Variants in ZNF385D observed in about 807,000 individuals in gnomAD.
ZNF385D encodes zinc finger protein 385D.
Under a neutral mutation model 35.8 loss-of-function variants are expected in ZNF385D, and 15 were observed. The ratio of observed to expected loss-of-function variants is 0.42; its 90% CI spans 0.28 to 0.64. The LOEUF (loss-of-function observed/expected upper bound fraction) is 0.64. Ranked by LOEUF, ZNF385D falls within the 30% of genes least tolerant of loss-of-function variation. The pLI, the probability that ZNF385D is intolerant of heterozygous loss-of-function variation, is 0.23. For missense variants in ZNF385D, 474 were observed against 494.6 expected (o/e 0.96, Z 0.39); for synonymous variants, 212 against 186.8 (o/e 1.13, Z -1.10).
intron 1 of ZNF385D, among the ~76,000 whole-genome samples, chr3:21,745,476 G>A (rs781714633): frequency 1.1e-4 from 16 of 152,218 alleles, no homozygotes; most frequent in African/African-American, 3.9e-4. Context: ...CGATTTTAAC[G>A]CTGCGACAGA....
At chr3:21,803,192 G>T (rs1386801849) in intron 3 of ZNF385D, among the ~76,000 whole-genome samples, 1 of 152,080 alleles carries the variant, frequency 6.6e-6, no homozygotes, top group East Asian at 1.9e-4. Flanking sequence ...GGAACCTAAG[G>T]GTAGTCATCA....
intron 3 of ZNF385D, among the ~76,000 whole-genome samples, chr3:21,803,604 C>T (rs2072505950): frequency 6.6e-6 from 1 of 152,036 alleles, no homozygotes; most frequent in South Asian, 2.1e-4. Context: ...GATGAAATAT[C>T]CATATTTGTA....
At chr3:22,343,751 AAAT>A (rs1360585573) in intron 2 of ZNF385D, among the ~76,000 whole-genome samples, 1 of 152,244 alleles carries the variant, frequency 6.6e-6, no homozygotes, top group Admixed American at 6.5e-5. Flanking sequence ...TGAGAACATT[AAAT>A]AATAGACCTA....
chr3:22,019,024 A>C (rs1445981836), intron 3 of ZNF385D, among the ~76,000 whole-genome samples: 2 of 94,720 alleles, frequency 2.1e-5, no homozygotes, highest in African/African-American at 4.0e-5. Flanking sequence ...TCATGGATAG[A>C]GTTATTTACC....
intron 4 of ZNF385D, among the ~76,000 whole-genome samples, chr3:21,454,695 C>T (rs534492373): frequency 6.6e-6 from 1 of 152,276 alleles, no homozygotes; most frequent in Non-Finnish European, 1.5e-5. Flanking sequence ...GGGATGCCCT[C>T]TCTCACCACT....
At chr3:21,752,986 G>T (rs1045417482), upstream of ZNF385D, among the ~76,000 whole-genome samples, 1 of 151,982 alleles carries the variant, frequency 6.6e-6, no homozygotes, top group African/African-American at 2.4e-5. Context: ...TAGTGCTTTG[G>T]GTCCATTTGA....
intron 2 of ZNF385D, among the ~76,000 whole-genome samples, chr3:21,597,767 G>A (rs752576137): frequency 2.0e-5 from 3 of 152,136 alleles, no homozygotes; most frequent in Non-Finnish European, 4.4e-5. Flanking sequence ...GTAGTTTTAA[G>A]ATAAGCTCAC....
chr3:21,817,559 C>A (rs534826828), intron 3 of ZNF385D, among the ~76,000 whole-genome samples: 10 of 152,126 alleles, frequency 6.6e-5, no homozygotes, highest in South Asian at 2.1e-4. Flanking sequence ...ATGCAGCCAA[C>A]AGACACATGA....
At position 21,811,000 on chromosome 3, in the gene ZNF385D, A is replaced by G. The variant is rs13076370; in HGVS notation, c.326-145972T>C. 3.7e-3 allele frequency among the ~76,000 whole-genome samples: 468 copies of G among 125,712 alleles called. 3 individuals carry two copies. The highest frequency in any genetic ancestry group is 0.012 in the African/African-American group (430 of 35,130). 82.5% of individuals were successfully genotyped at this position (125,712 alleles called of 152,430 possible). A position where few individuals can be genotyped will look rare whatever the true frequency, so the allele number is the denominator to read the frequency against. On this transcript the variant is annotated intron_variant, in intron 3 of 5. Transcript: ENST00000494108. ...TGTGTGTGTGTGTGTGTGTGTGTGT[A>G]TATATATATACATTTTAAGTAAGTA...
chr3:22,292,915 T>C (rs187009379), intron 2 of ZNF385D, among the ~76,000 whole-genome samples: 31 of 152,118 alleles, frequency 2.0e-4, no homozygotes, highest in Non-Finnish European at 2.9e-4. Flanking sequence ...CATATTTCTA[T>C]TGTCCCATCC....
Position 21,564,902 on chromosome 3 carries a change from C to A in ZNF385D, c.166-218G>T, listed in dbSNP as rs2303372. ...ATGATAAGGAAATGATAAATTTACCCATTAGAGTCTGCATACTAACTGTTT... is the reference window on the plus strand; with the variant it reads ...ATGATAAGGAAATGATAAATTTACCAATTAGAGTCTGCATACTAACTGTTT... On this transcript the variant is annotated intron_variant, in intron 2 of 7. Coordinates refer to ENST00000281523, the MANE Select transcript of ZNF385D (RefSeq NM_024697.3). Among the ~76,000 whole-genome samples, 392 of 152,184 alleles carry A rather than the reference C, an allele frequency of 2.6e-3. 8 individuals are homozygous for A. The East Asian group carries it at 0.068, about 27-fold the overall frequency.
chr3:21,901,632 T>C (rs1370799199), intron 3 of ZNF385D, among the ~76,000 whole-genome samples: 2 of 152,148 alleles, frequency 1.3e-5, no homozygotes, highest in Admixed American at 1.3e-4. Context: ...CAGATGAGAT[T>C]AAAGTTTAGG....
chr3:21,733,653 A>G (rs2069116112), intron 1 of ZNF385D, among the ~76,000 whole-genome samples: 1 of 152,200 alleles, frequency 6.6e-6, no homozygotes, highest in Non-Finnish European at 1.5e-5. Flanking sequence ...TCCTGATTAC[A>G]AAGACTTTCC....
At chr3:22,192,003 A>G (rs1471936897) in intron 2 of ZNF385D, among the ~76,000 whole-genome samples, 1 of 152,118 alleles carries the variant, frequency 6.6e-6, no homozygotes, top group African/African-American at 2.4e-5. Flanking sequence ...GATGAAGAGG[A>G]TATGATTTTT....
At chr3:21,801,285 T>G (rs1182365970) in intron 3 of ZNF385D, among the ~76,000 whole-genome samples, 2 of 152,164 alleles carry the variant, frequency 1.3e-5, no homozygotes, top group African/African-American at 4.8e-5. Flanking sequence ...AGTCTATAGT[T>G]TTCTTTTGAT....
At chr3:21,656,868 G>T (rs2066086915) in intron 2 of ZNF385D, among the ~76,000 whole-genome samples, 1 of 151,860 alleles carries the variant, frequency 6.6e-6, no homozygotes, top group East Asian at 1.9e-4. Context: ...GTGTGGAGTA[G>T]AGGTCTCCAA....
intron 1 of ZNF385D, among the ~76,000 whole-genome samples, chr3:21,691,173 G>A (rs1467693529): frequency 4.6e-5 from 7 of 152,072 alleles, no homozygotes; most frequent in Admixed American, 4.6e-4. Context: ...TCTTGCCAAT[G>A]CCATACCGTA....
At chr3:22,165,234 C>T (rs150294637) in intron 3 of ZNF385D, among the ~76,000 whole-genome samples, 4 of 152,202 alleles carry the variant, frequency 2.6e-5, no homozygotes, top group South Asian at 4.2e-4. Flanking sequence ...GTTGATAGTG[C>T]GGAAGGCTGT....
At chr3:22,258,483 T>A (rs1297549250) in intron 2 of ZNF385D, among the ~76,000 whole-genome samples, 1 of 151,642 alleles carries the variant, frequency 6.6e-6, no homozygotes, top group Non-Finnish European at 1.5e-5. Context: ...ATTGCTTGGG[T>A]TTTAGAACCA....
Sources: allele counts gnomAD v4.1 joint callset (sites outside exome capture counted in the v4.1 genomes callset), GRCh38; gene constraint gnomAD v4.1.1; transcripts MANE v1.5; gene names NCBI Gene and HGNC (gene_info 2026-07-23, HGNC 2026-07-21).